The following ANKRD26 variants were observed in gnomAD, a reference collection of about 807,000 sequenced individuals.
The protein encoded by ANKRD26 is ankyrin repeat domain-containing protein 26.
In ANKRD26, 141 loss-of-function variants were observed where a neutral mutation model predicts 208.7. The ratio of observed to expected loss-of-function variants is 0.68; its 90% confidence interval spans 0.59 to 0.78. The LOEUF (loss-of-function observed/expected upper bound fraction) is 0.78. Ranked by LOEUF, ANKRD26 falls within the 30% of genes least tolerant of loss-of-function variation. The probability of loss-of-function intolerance (pLI) is 0.00; values close to 1 mark genes in which losing one functional copy is unlikely to be tolerated. For synonymous variants in ANKRD26, 636 were observed against 660.4 expected (o/e 0.96, Z 0.57); for missense variants, 1,889 against 1,938.7 (o/e 0.97, Z 0.48).
intron 16 of ANKRD26, among the ~76,000 whole-genome samples, 178 bp downstream of exon 16, chr10:27,053,142 G>GGTTACTACA (rs2054719972): frequency 6.6e-6 from 1 of 152,044 alleles, no homozygotes; most frequent in African/African-American, 2.4e-5. Context: ...ATTAGCTATA[G>GGTTACTACA]GTTACTACAC....
intron 9 of ANKRD26, among the ~76,000 whole-genome samples, chr10:27,071,273 C>G (rs1456813436): frequency 6.9e-6 from 1 of 145,656 alleles, no homozygotes; most frequent in Non-Finnish European, 1.5e-5. Context: ...TCACGCCATT[C>G]TCCTGCCTCA....
At position 27,005,562 on chromosome 10, in the gene ANKRD26, A is replaced by C. The variant is rs760989640; in HGVS notation, c.*28T>G. On this transcript the variant is annotated 3_prime_UTR_variant, in exon 34 of 34. Transcript: ENST00000376087. ...TTTAATGAGAAACAAAATGTCACAT[A>C]AACAGCCCAGTAATAAAATCTTATC... 1.3e-5 allele frequency: 21 copies of C among 1,598,234 alleles called. No homozygotes were observed. In the Admixed American group the frequency reaches 1.8e-4, roughly 14 times the overall value.
intron 4 of ANKRD26, among the ~76,000 whole-genome samples, chr10:27,087,834 G>A (rs920085756): frequency 2.6e-5 from 4 of 152,148 alleles, no homozygotes; most frequent in African/African-American, 9.7e-5. Flanking sequence ...AAGATGGAGT[G>A]CAGTGGCATG....
At chr10:27,094,128 T>C (rs910646320) in intron 1 of ANKRD26, among the ~76,000 whole-genome samples, 1 of 152,170 alleles carries the variant, frequency 6.6e-6, no homozygotes, top group East Asian at 1.9e-4. Flanking sequence ...GCTGACACCA[T>C]GTCAAGGACA....
chr10:27,012,942 T>G lies in ANKRD26; in HGVS notation c.4893A>C (p.Leu1631Phe), dbSNP rs775782993. 1 of 1,614,046 alleles carries G rather than the reference T, an allele frequency of 6.2e-7. No individual in the cohort carries two copies. The highest frequency in any genetic ancestry group is 1.7e-5 in the Admixed American group (1 of 60,000). ...LNRKLIPREN[L>F]VISTSNPRAS... is the part of the protein sequence containing the mutation. The stretch of plus-strand genomic sequence containing the variant: ...CCCGTGGATTTGAGGTAGAGATCAC[T>G]AAGTTTTCTCTTGGAATAAGTTTTC... The change falls in exon 32 of 34, where the codon TTA (leucine) becomes TTC (phenylalanine). Residue 1631 changes from leucine (L) to phenylalanine (F), a missense_variant. By Grantham distance (22) the Leu-to-Phe change is conservative (BLOSUM62 0). Around this residue, in one of 3 missense-constraint regions of ANKRD26, gnomAD observed 613 missense variants for 648.2 expected, o/e 0.95. Coordinates refer to ENST00000376087, the MANE Select transcript of ANKRD26 (RefSeq NM_014915.3).
chr10:26,957,039 A>G, the ANKRD26 span, among the ~76,000 whole-genome samples: 3 of 152,228 alleles, frequency 2.0e-5, no homozygotes, highest in Non-Finnish European at 4.4e-5. Context: ...TCTGTGGGTT[A>G]TTGCTAGAGA....
At chr10:27,049,475 G>A (rs139894996) in intron 16 of ANKRD26, among the ~76,000 whole-genome samples, 18 of 151,742 alleles carry the variant, frequency 1.2e-4, no homozygotes, top group Admixed American at 5.3e-4. Flanking sequence ...TCTTTTTTTC[G>A]TTTGGATCCT....
At chr10:27,065,332 A>G (rs1186292197) in intron 11 of ANKRD26, among the ~76,000 whole-genome samples, 1 of 152,200 alleles carries the variant, frequency 6.6e-6, no homozygotes, top group Non-Finnish European at 1.5e-5. Flanking sequence ...AGCCTAGCAC[A>G]TGGTTGGTAC....
At chr10:27,074,608 G>A (rs558457853) in intron 9 of ANKRD26, among the ~76,000 whole-genome samples, 3 of 152,108 alleles carry the variant, frequency 2.0e-5, no homozygotes, top group African/African-American at 7.2e-5. Context: ...TTGAACCCAG[G>A]GGGTGGAGGT....
At chr10:27,062,833 T>C (rs1013308358) in intron 12 of ANKRD26, among the ~76,000 whole-genome samples, 3 of 151,498 alleles carry the variant, frequency 2.0e-5, no homozygotes, top group African/African-American at 7.3e-5. Flanking sequence ...AGTGGCACAA[T>C]CTCGGCTCAC....
intron 32 of ANKRD26, among the ~76,000 whole-genome samples, chr10:27,011,772 T>C (rs1312538350): frequency 6.6e-6 from 1 of 152,220 alleles, no homozygotes; most frequent in African/African-American, 2.4e-5. Flanking sequence ...CATGAAATTC[T>C]GGGTAGGAAG....
At chr10:27,021,441 G>C (rs1237368425) in intron 29 of ANKRD26, among the ~76,000 whole-genome samples, 1 of 152,128 alleles carries the variant, frequency 6.6e-6, no homozygotes, top group Non-Finnish European at 1.5e-5. Context: ...CTGCAGCCTT[G>C]CTGGCATTTG....
rs2054555161 is a variant in ANKRD26 at position 27,048,942 on chromosome 10, AT to A, written c.1672del (p.Met558TrpfsTer24). On this transcript the variant is annotated frameshift_variant, in exon 17 of 34. Transcript: ENST00000376087. LOFTEE classifies it high-confidence loss of function. ...ATCATGTATGTTTGCTGATACTTCCATTTCATTATTTCTGTGTTTTTTCCTT... is the reference window on the plus strand; with the variant it reads ...ATCATGTATGTTTGCTGATACTTCCATTCATTATTTCTGTGTTTTTTCCTT... ...EERKKHRNNE[M>X]EVSANIHDGA... 6.2e-7 allele frequency: 1 copy of A among 1,608,162 alleles called. No homozygotes were observed. The highest frequency in any genetic ancestry group is 1.3e-5 in the African/African-American group (1 of 74,920).
At chr10:27,086,273 T>C (rs866007706) in intron 5 of ANKRD26, among the ~76,000 whole-genome samples, 1 of 152,296 alleles carries the variant, frequency 6.6e-6, no homozygotes, top group African/African-American at 2.4e-5. Flanking sequence ...CCTTTTTTAT[T>C]TATACAAAAA....
At chr10:26,961,009 G>A in the ANKRD26 span, among the ~76,000 whole-genome samples, 2 of 151,988 alleles carry the variant, frequency 1.3e-5, no homozygotes, top group African/African-American at 4.8e-5. Context: ...ACAAGGTCAG[G>A]AGATCCACAC....
At chr10:26,964,267 G>A in the ANKRD26 span, among the ~76,000 whole-genome samples, 1 of 152,096 alleles carries the variant, frequency 6.6e-6, no homozygotes, top group Non-Finnish European at 1.5e-5. Context: ...GGATGAAGAA[G>A]CCATGGGTAC....
At chr10:26,974,973 T>C (rs1347702119) in exon 6 of ANKRD26, among the ~76,000 whole-genome samples, 1 of 152,202 alleles carries the variant, frequency 6.6e-6, no homozygotes, top group African/African-American at 2.4e-5. Flanking sequence ...TTACAATATG[T>C]CTAGACTTGA....
intron 16 of ANKRD26, chr10:27,051,654 T>C (rs762920581): frequency 1.4e-5 from 14 of 985,288 alleles, no homozygotes; most frequent in African/African-American, 3.5e-5. Context: ...GCAAGCATAT[T>C]CTGGGGACCC....
In ANKRD26 at chr10:27,045,960, T is replaced by C. The variant is rs368212226; in HGVS notation, c.1985+393A>G. ...GATCAAGCTTTCTGAGGCTTTGACA[T>C]GCAAACAAAACTAAATTTCATAAGC... On this transcript the variant is annotated intron_variant, in intron 18 of 33. Transcript: ENST00000376087. Among the ~76,000 whole-genome samples, 106 of 152,316 alleles carry C rather than the reference T, an allele frequency of 7.0e-4. 2 individuals are homozygous for C. In the South Asian group the frequency reaches 0.021, roughly 30 times the overall value.
Sources: allele counts gnomAD v4.1 joint callset (sites outside exome capture counted in the v4.1 genomes callset), GRCh38; gene constraint gnomAD v4.1.1; regional missense constraint gnomAD v4.1.1; transcripts MANE v1.5; gene names NCBI Gene and HGNC (gene_info 2026-07-23, HGNC 2026-07-21).